The following SYNE2 variants were observed in gnomAD, a reference collection of about 807,000 sequenced individuals.
SYNE2 encodes nesprin-2.
Under a neutral mutation model 856.3 loss-of-function variants are expected in SYNE2, and 431 were observed. The observed-to-expected ratio is 0.50, with a 90% CI of 0.47 to 0.55. SYNE2 has a LOEUF of 0.55. Among genes scored for constraint, SYNE2 ranks in the 20% least tolerant of loss-of-function variants. The pLI is 0.00. For missense variants in SYNE2, 8,129 were observed against 8,023.2 expected (o/e 1.01, Z -0.50); for synonymous variants, 2,923 against 2,872.3 (o/e 1.02, Z -0.56).
intron 45 of SYNE2, among the ~76,000 whole-genome samples, chr14:64,040,295 G>C (rs1400517060): frequency 6.6e-6 from 1 of 152,056 alleles, no homozygotes; most frequent in Non-Finnish European, 1.5e-5. Context: ...AGATAATGCA[G>C]CAATCTGAAA....
rs777255394 is a variant in SYNE2 at position 64,098,766 on chromosome 14, T to C, written c.12326T>C (p.Met4109Thr). The C allele has an allele frequency of 5.6e-6, 9 of 1,614,016 alleles. No homozygotes were observed. Among genetic ancestry groups the C allele is most frequent in the Non-Finnish European group, 7.6e-6 (9 of 1,180,046 alleles). ...SERKLNRRGSMSYLAAVEEEV... is the reference protein window; with the variant it reads ...SERKLNRRGSTSYLAAVEEEV... ...TTTCAGTTGAACAGAAGAGGCTCCA[T>C]GTCTTACCTGGCAGCAGTCGAGGAA... Residue 4109 changes from methionine to threonine, a missense_variant, in exon 63 of 116, where the codon ATG becomes ACG. This residue lies in a region of SYNE2 where 5,410 missense variants were observed against 5,284.8 expected (regional missense o/e 1.02). Transcript: ENST00000555002.
chr14:63,804,448 C>G lies in SYNE2; in HGVS notation c.-305+42462C>G, dbSNP rs186089484. Among the ~76,000 whole-genome samples, 243 of 152,236 alleles carry G rather than the reference C, an allele frequency of 1.6e-3. 1 individual carries two copies. Among genetic ancestry groups the G allele is most frequent in the Non-Finnish European group, 2.5e-3 (170 of 68,020 alleles). ...TCTTGAAATCGACGATGACCTATAT[C>G]CAGAATGGTATTTCCTAGGTTTTCT... On this transcript the variant is annotated intron_variant, in intron 1 of 23. Coordinates refer to the SYNE2 transcript ENST00000674003.
chr14:63,847,969 C>T (rs915813975), intron 1 of SYNE2, among the ~76,000 whole-genome samples: 5 of 152,134 alleles, frequency 3.3e-5, no homozygotes, highest in African/African-American at 4.8e-5. Flanking sequence ...TCACTGCAAC[C>T]TCTGCCTCTG....
intron 8 of SYNE2, among the ~76,000 whole-genome samples, chr14:63,958,664 A>C (rs906035470): frequency 5.3e-5 from 8 of 152,166 alleles, no homozygotes; most frequent in African/African-American, 1.9e-4. Flanking sequence ...TTTGGAGGGA[A>C]ATCACTGCAT....
intron 94 of SYNE2, among the ~76,000 whole-genome samples, chr14:64,174,165 A>G (rs578114209): frequency 4.5e-4 from 68 of 150,784 alleles, no homozygotes; most frequent in African/African-American, 1.6e-3. Context: ...TCTGCCTCCC[A>G]GGTTAAAGTG....
chr14:64,018,779 AATTAAAC>A (rs902852382), intron 34 of SYNE2, among the ~76,000 whole-genome samples: 1 of 152,202 alleles, frequency 6.6e-6, no homozygotes, highest in African/African-American at 2.4e-5. Flanking sequence ...TTCATATTTG[AATTAAAC>A]AATGCCTTAT....
intron 7 of SYNE2, among the ~76,000 whole-genome samples, chr14:63,952,550 G>A (rs897609350): frequency 5.3e-5 from 8 of 152,118 alleles, no homozygotes; most frequent in Non-Finnish European, 8.8e-5. Context: ...AAGTGCTGGC[G>A]CCCTGTACTT....
At chr14:64,172,822 G>A (rs573033745) in intron 94 of SYNE2, among the ~76,000 whole-genome samples, 2 of 151,980 alleles carry the variant, frequency 1.3e-5, no homozygotes, top group African/African-American at 4.8e-5. Flanking sequence ...ACTCCCAGCT[G>A]CTCAGGAGGC....
intron 34 of SYNE2, among the ~76,000 whole-genome samples, chr14:64,018,712 A>G (rs1482832667): frequency 6.6e-6 from 1 of 152,254 alleles, no homozygotes; most frequent in Non-Finnish European, 1.5e-5. Flanking sequence ...AAAACAGGCT[A>G]TCAGCTCTCC....
At chr14:64,081,608 C>G (rs1289476508) in intron 57 of SYNE2, 28 bp downstream of exon 57, 2 of 1,612,298 alleles carry the variant, frequency 1.2e-6, no homozygotes, top group South Asian at 2.2e-5. Flanking sequence ...TTTTCTGCCA[C>G]TCATAGCATC....
chr14:63,984,333 T>A (rs575565983), intron 18 of SYNE2, among the ~76,000 whole-genome samples: 88 of 152,330 alleles, frequency 5.8e-4, no homozygotes, highest in African/African-American at 1.9e-3. Flanking sequence ...CCTAGGAAAA[T>A]GCTTAAATGT....
chr14:64,143,513 T>C (rs1388364907), intron 82 of SYNE2, among the ~76,000 whole-genome samples: 1 of 152,194 alleles, frequency 6.6e-6, no homozygotes, highest in Admixed American at 6.5e-5. Context: ...GTTCAGATGA[T>C]AGCAACTGCC....
At chr14:63,930,739 T>C (rs2095742681) in intron 2 of SYNE2, among the ~76,000 whole-genome samples, 1 of 152,162 alleles carries the variant, frequency 6.6e-6, no homozygotes, top group Non-Finnish European at 1.5e-5. Context: ...TTTCACCATG[T>C]TGACCAGGCT....
chr14:63,775,405 A>G (rs1418368098), intron 1 of SYNE2, among the ~76,000 whole-genome samples: 1 of 151,884 alleles, frequency 6.6e-6, no homozygotes, highest in Non-Finnish European at 1.5e-5. Flanking sequence ...CTCCAAAAGT[A>G]TCTGGGATTA....
At position 64,087,605 on chromosome 14, in the gene SYNE2, A is replaced by G. The variant is rs2097573819; in HGVS notation, c.11485-66A>G. ...TAACTTTCAATTTTCTCTGATTTAA[A>G]TATTAATCAGCTTATATCAGGATCT... On this transcript the variant is annotated intron_variant, in intron 57 of 115. Transcript: ENST00000555002. 4.6e-6 allele frequency: 7 copies of G among 1,528,368 alleles called. No individual in the cohort carries two copies. In the South Asian group the frequency reaches 7.9e-5, roughly 17 times the overall value. 94.7% of individuals were successfully genotyped at this position (1,528,368 alleles called of 1,614,324 possible). A position where few individuals can be genotyped will look rare whatever the true frequency, so the allele number is the denominator to read the frequency against.
rs756765132 is a variant in SYNE2, at chr14:64,074,004, G to T, written c.10734G>T (p.Val3578=). The T allele has an allele frequency of 8.1e-6, 13 of 1,614,204 alleles. No homozygotes were observed. Among genetic ancestry groups the T allele is most frequent in the Non-Finnish European group, 1.1e-5 (13 of 1,180,026 alleles). Reference sequence around the variant, plus strand: ...AAGTTCAGAAAAATAAAGAATTGGTGCAGACTGAAATCCAAGAAAGACATT... The same window carrying T: ...AAGTTCAGAAAAATAAAGAATTGGTTCAGACTGAAATCCAAGAAAGACATT... ...LQKVQKNKEL[V]QTEIQERHSF... is the part of the protein sequence containing the mutation. Residue 3578 remains valine (V), a synonymous_variant, in exon 53 of 116, where the codon GTG becomes GTT. Transcript: ENST00000555002.
chr14:64,215,943 G>C, intron 107 of SYNE2: 1 of 1,327,342 alleles, frequency 7.5e-7, no homozygotes, highest in Non-Finnish European at 9.7e-7. Flanking sequence ...CTGCCATCTT[G>C]GTCCCCAGAC....
chr14:63,909,498 G>A (rs184444389), intron 2 of SYNE2, among the ~76,000 whole-genome samples: 1 of 152,156 alleles, frequency 6.6e-6, no homozygotes. Flanking sequence ...GTAAACTGTA[G>A]TTTGCTTGGC....
intron 88 of SYNE2, 76 bp downstream of exon 88, chr14:64,162,352 G>A: frequency 6.9e-7 from 1 of 1,444,442 alleles, no homozygotes; most frequent in Non-Finnish European, 9.7e-7. Flanking sequence ...CATGACCTGG[G>A]GACCAGACAG....
Sources: allele counts gnomAD v4.1 joint callset (sites outside exome capture counted in the v4.1 genomes callset), GRCh38; gene constraint gnomAD v4.1.1; regional missense constraint gnomAD v4.1.1; transcripts MANE v1.5; gene names NCBI Gene and HGNC (gene_info 2026-07-23, HGNC 2026-07-21).